NECAB1: variants seen among roughly 807,000 people sequenced by gnomAD.
The protein encoded by NECAB1 is N-terminal EF-hand calcium binding protein 1, also known as N-terminal EF-hand calcium-binding protein 1.
Under a neutral mutation model 57.5 loss-of-function variants are expected in NECAB1, and 29 were observed. The ratio of observed to expected loss-of-function variants is 0.50; its 90% CI spans 0.38 to 0.69. The LOEUF is 0.69. Ranked by LOEUF, NECAB1 falls within the 30% of genes least tolerant of loss-of-function variation. The pLI, the probability that NECAB1 is intolerant of heterozygous loss-of-function variation, is 0.00. For synonymous variants in NECAB1, 142 were observed against 147.7 expected, an observed-to-expected ratio of 0.96 and a Z score of 0.28; for missense variants, 372 against 413.8, an observed-to-expected ratio of 0.90 and a Z score of 0.88.
intron 3 of NECAB1, among the ~76,000 whole-genome samples, chr8:90,843,698 GGGCTA>G (rs765873177): frequency 1.1e-4 from 17 of 152,186 alleles, no homozygotes; most frequent in Non-Finnish European, 2.4e-4. Context: ...CACTGGCTGT[GGGCTA>G]GAAACTGTGC....
intron 5 of NECAB1, among the ~76,000 whole-genome samples, 185 bp downstream of exon 5, chr8:90,881,315 G>A (rs974205236): frequency 2.6e-5 from 4 of 152,266 alleles, no homozygotes; most frequent in African/African-American, 7.2e-5. Context: ...TAAAGACTGT[G>A]CTTTGTGTTG....
At chr8:90,865,875 C>T (rs1001786501) in intron 3 of NECAB1, among the ~76,000 whole-genome samples, 2 of 152,098 alleles carry the variant, frequency 1.3e-5, no homozygotes, top group Non-Finnish European at 2.9e-5. Context: ...TTAAATTCAC[C>T]CAGTTCATAG....
intron 10 of NECAB1, among the ~76,000 whole-genome samples, chr8:90,949,406 G>A (rs1217093206): frequency 1.3e-5 from 2 of 152,008 alleles, no homozygotes; most frequent in Admixed American, 1.3e-4. Flanking sequence ...TGGTTGATAG[G>A]GCCAATCCTA....
chr8:90,916,210 T>A (rs1162423685), intron 5 of NECAB1, among the ~76,000 whole-genome samples: 1 of 152,212 alleles, frequency 6.6e-6, no homozygotes, highest in African/African-American at 2.4e-5. Context: ...TTTTACTATT[T>A]CAAATTGAGA....
intron 5 of NECAB1, among the ~76,000 whole-genome samples, chr8:90,885,977 A>G (rs1808974789): frequency 6.6e-6 from 1 of 152,226 alleles, no homozygotes; most frequent in Non-Finnish European, 1.5e-5. Flanking sequence ...ACAGAAGCAG[A>G]TGATAATTAA....
In NECAB1 at chr8:90,848,318, G is replaced by T. The variant is rs1367772877; in HGVS notation, c.233+23493G>T. On this transcript the variant is annotated intron_variant, in intron 3 of 12. Coordinates refer to ENST00000417640, the MANE Select transcript of NECAB1 (RefSeq NM_022351.5). ...GTCCATATCACTATCAGCATTTTGA[G>T]AAAAGCCATTCAACAACTCTCTAGT... 2.0e-5 allele frequency among the ~76,000 whole-genome samples: 3 copies of T among 152,134 alleles called. No individual in the cohort carries two copies. The East Asian group carries it at 5.8e-4, about 29-fold the overall frequency.
intron 5 of NECAB1, among the ~76,000 whole-genome samples, chr8:90,916,214 A>G (rs1360953498): frequency 6.6e-6 from 1 of 152,236 alleles, no homozygotes; most frequent in Non-Finnish European, 1.5e-5. Context: ...ACTATTTCAA[A>G]TTGAGAAAGA....
chr8:90,881,153 T>G (rs779100152), intron 5 of NECAB1, 23 bp downstream of exon 5: 4 of 1,481,796 alleles, frequency 2.7e-6, no homozygotes, highest in African/African-American at 1.4e-5. Flanking sequence ...TAATGTTTAT[T>G]TTCTATAAAA....
At chr8:90,871,283 T>C (rs1040747587) in intron 3 of NECAB1, among the ~76,000 whole-genome samples, 2 of 152,174 alleles carry the variant, frequency 1.3e-5, no homozygotes, top group African/African-American at 2.4e-5. Flanking sequence ...TACTGTTAAA[T>C]TTTTAGGAAA....
intron 6 of NECAB1, among the ~76,000 whole-genome samples, chr8:90,924,908 A>C (rs1268069477): frequency 6.6e-6 from 1 of 151,960 alleles, no homozygotes; most frequent in Non-Finnish European, 1.5e-5. Flanking sequence ...GATAATTTAG[A>C]AGGTGTTTAC....
At chr8:90,930,654 G>T (rs1810382482) in intron 8 of NECAB1, among the ~76,000 whole-genome samples, 1 of 152,164 alleles carries the variant, frequency 6.6e-6, no homozygotes, top group Non-Finnish European at 1.5e-5. Flanking sequence ...CTCTGCCATG[G>T]TGCCTTTATT....
chr8:90,804,304 C>T (rs1011491839), intron 2 of NECAB1, among the ~76,000 whole-genome samples: 4 of 151,560 alleles, frequency 2.6e-5, no homozygotes, highest in African/African-American at 9.7e-5. Context: ...ACATCTATAT[C>T]GAGCCTAAAA....
intron 3 of NECAB1, among the ~76,000 whole-genome samples, chr8:90,858,299 T>A (rs530120049): frequency 6.6e-6 from 1 of 152,152 alleles, no homozygotes; most frequent in Non-Finnish European, 1.5e-5. Context: ...AGTAAGTACA[T>A]CAGAGAAATG....
intron 5 of NECAB1, among the ~76,000 whole-genome samples, chr8:90,914,739 C>T (rs1271123499): frequency 6.6e-6 from 1 of 152,158 alleles, no homozygotes; most frequent in Non-Finnish European, 1.5e-5. Flanking sequence ...AGTTGTCTGA[C>T]TTTAACTTTT....
chr8:90,907,308 G>A (rs78608474), intron 5 of NECAB1, among the ~76,000 whole-genome samples: 2,462 of 152,100 alleles, frequency 0.016, 76 homozygotes, highest in African/African-American at 0.056. Flanking sequence ...AAAATGCCAG[G>A]AGACCTTGAC....
intron 5 of NECAB1, among the ~76,000 whole-genome samples, chr8:90,887,179 C>T (rs942310260): frequency 2.6e-5 from 4 of 152,106 alleles, no homozygotes; most frequent in Non-Finnish European, 5.9e-5. Flanking sequence ...AGAAACAACC[C>T]ACCTAATCTC....
intron 5 of NECAB1, among the ~76,000 whole-genome samples, chr8:90,908,370 G>C (rs770802480): frequency 2.0e-5 from 3 of 152,054 alleles, no homozygotes; most frequent in Non-Finnish European, 2.9e-5. Flanking sequence ...ATTTATGTAC[G>C]AACATAGTTC....
intron 2 of NECAB1, among the ~76,000 whole-genome samples, chr8:90,814,071 ATTATGTC>A (rs1014126221): frequency 2.4e-4 from 36 of 152,350 alleles, no homozygotes; most frequent in African/African-American, 7.7e-4. Context: ...GCATTCAGTC[ATTATGTC>A]TCCTTAAGCT....
chr8:90,891,949 C>T (rs893856883), intron 5 of NECAB1, among the ~76,000 whole-genome samples: 3 of 152,090 alleles, frequency 2.0e-5, no homozygotes, highest in African/African-American at 7.2e-5. Context: ...CTGCCTTGGC[C>T]TCCCACATTG....
Sources: allele counts gnomAD v4.1 joint callset (sites outside exome capture counted in the v4.1 genomes callset), GRCh38; gene constraint gnomAD v4.1.1; transcripts MANE v1.5; gene names NCBI Gene and HGNC (gene_info 2026-07-23, HGNC 2026-07-21).